The following PCNX2 variants were observed in gnomAD, a reference collection of about 807,000 sequenced individuals.
PCNX2 encodes pecanex-like protein 2.
A neutral mutation model predicts 223.8 loss-of-function variants in PCNX2; 168 were observed. The observed-to-expected ratio is 0.75, with a 90% CI of 0.66 to 0.85. The LOEUF (loss-of-function observed/expected upper bound fraction) is 0.85, where lower values mean the gene tolerates loss of function less well. Ranked by LOEUF, PCNX2 falls within the 40% of genes least tolerant of loss-of-function variation. The probability of loss-of-function intolerance (pLI) is 0.00; values close to 1 mark genes in which losing one functional copy is unlikely to be tolerated. For synonymous variants in PCNX2, 1,006 were observed against 1,052.6 expected, an observed-to-expected ratio of 0.96 and a Z score of 0.86; for missense variants, 2,507 against 2,675.5, an observed-to-expected ratio of 0.94 and a Z score of 1.39.
chr1:233,014,055 G>C (rs1670565355), intron 28 of PCNX2, among the ~76,000 whole-genome samples: 1 of 152,202 alleles, frequency 6.6e-6, no homozygotes, highest in African/African-American at 2.4e-5. Context: ...CATGAGTACT[G>C]TTTCTTTGGT....
chr1:233,003,858 T>C (rs909520815), intron 28 of PCNX2, among the ~76,000 whole-genome samples: 2 of 152,158 alleles, frequency 1.3e-5, no homozygotes, highest in Non-Finnish European at 2.9e-5. Flanking sequence ...TGCAGGGACA[T>C]GGATGAAGCT....
rs114790189 is a variant in PCNX2, at chr1:233,047,561, A to G, written c.4351+6707T>C. The G allele has an allele frequency of 2.6e-3, 525 of 200,134 alleles. 6 individuals carry two copies. The highest frequency in any genetic ancestry group is 0.012 in the African/African-American group (499 of 42,384). The allele number at this position is 200,134 out of a possible 1,614,324, so 12.4% of individuals were successfully genotyped here. ...AAAAGGAGCAGGGGTCACTGTTCTT[A>G]TATCAGATAAAACAGACTTTAAACC... On this transcript the variant is annotated intron_variant, in intron 25 of 33. Transcript: ENST00000258229.
intron 21 of PCNX2, among the ~76,000 whole-genome samples, chr1:233,129,472 A>G (rs1676320536): frequency 6.6e-6 from 1 of 152,192 alleles, no homozygotes; most frequent in Admixed American, 6.5e-5. Context: ...ACCAGGTGTC[A>G]TCAACCAATC....
Position 233,139,815 on chromosome 1 carries a change from C to T in PCNX2, c.3558G>A (p.Trp1186Ter), listed in dbSNP as rs1387130993. 15 of 1,613,400 alleles carry T rather than the reference C, an allele frequency of 9.3e-6. No homozygotes were observed. Among genetic ancestry groups the T allele is most frequent in the Non-Finnish European group, 1.3e-5 (15 of 1,179,724 alleles). ...HLMWFERLYV[W>*]LQCFEKYILY... Reference sequence around the variant, plus strand: ...AGATGTATTTTTCAAAACACTGAAGCCAAACATAGAGTCTTTCGAACCACA... The same window carrying T: ...AGATGTATTTTTCAAAACACTGAAGTCAAACATAGAGTCTTTCGAACCACA... Residue 1186 changes from tryptophan (W) to a stop codon, truncating the protein, a stop_gained, in exon 20 of 34, where the codon TGG becomes TGA. Coordinates refer to ENST00000258229, the MANE Select transcript of PCNX2 (RefSeq NM_014801.4). LOFTEE classifies it high-confidence loss of function. This position sits in a 1 kb window ranked among gnomAD's most constrained non-coding sequence, Gnocchi z 4.4.
chr1:233,139,702 T>C lies in PCNX2; in HGVS notation c.3659+12A>G. 6.3e-7 allele frequency: 1 copy of C among 1,586,438 alleles called. No homozygotes were observed. Among genetic ancestry groups the C allele is most frequent in the Non-Finnish European group, 8.6e-7 (1 of 1,165,424 alleles). On this transcript the variant is annotated intron_variant, in intron 20 of 33. Coordinates refer to ENST00000258229, the MANE Select transcript of PCNX2 (RefSeq NM_014801.4). This position sits in a 1 kb window ranked among gnomAD's most constrained non-coding sequence, Gnocchi z 4.4. ...CCCAAATCATTATGAAGATAAACCA[T>C]TAACCACTTACTGGGTACCAAGTCT...
At chr1:233,248,337 T>C (rs1659250825) in intron 8 of PCNX2, among the ~76,000 whole-genome samples, 1 of 152,024 alleles carries the variant, frequency 6.6e-6, no homozygotes, top group Non-Finnish European at 1.5e-5. Flanking sequence ...GGCCAAGTGC[T>C]TGCCTGGTCT....
intron 15 of PCNX2, among the ~76,000 whole-genome samples, chr1:233,189,986 A>G (rs1301812795): frequency 6.6e-6 from 1 of 152,174 alleles, no homozygotes; most frequent in African/African-American, 2.4e-5. Context: ...AGAGAATATG[A>G]AATTAAAAGA....
At chr1:233,083,632 CA>C (rs1187632205) in intron 23 of PCNX2, among the ~76,000 whole-genome samples, 6 of 152,294 alleles carry the variant, frequency 3.9e-5, no homozygotes, top group Non-Finnish European at 7.4e-5. Flanking sequence ...AGACTAGTTA[CA>C]ATATTTTTAT....
chr1:233,039,490 C>A (rs115348417), intron 25 of PCNX2, among the ~76,000 whole-genome samples: 143 of 152,272 alleles, frequency 9.4e-4, no homozygotes, highest in Non-Finnish European at 1.8e-3. Context: ...AATATGGTAC[C>A]TGGCATGTAA....
In PCNX2 at chr1:233,259,264, A is replaced by G. The variant is rs990809627; in HGVS notation, c.598T>C (p.Ser200Pro). 2.5e-6 allele frequency: 4 copies of G among 1,613,802 alleles called. No individual in the cohort carries two copies. Among genetic ancestry groups the G allele is most frequent in the African/African-American group, 2.7e-5 (2 of 74,882 alleles). The change falls in exon 5 of 34, where the codon TCT becomes CCT. Residue 200 changes from serine to proline, a missense_variant. Physicochemically the swap from Ser to Pro is moderately conservative, Grantham distance 74. Coordinates refer to ENST00000258229, the MANE Select transcript of PCNX2 (RefSeq NM_014801.4). ...GTGGTTTCCAGCATGTGTGCTTGAG[A>G]CGCAGGTAAGCTTTCCACTTTGATA... ...PGIKVESLPA[S>P]QAHMLETTTK... is the part of the protein sequence containing the mutation.
In PCNX2 at chr1:233,263,071, G is replaced by T; in HGVS notation, c.246C>A (p.His82Gln). 1 of 1,613,594 alleles carries T rather than the reference G, an allele frequency of 6.2e-7. No homozygotes were observed. ...TIIKLVSYRLHLMFDKGEVIQ... is the reference protein window; with the variant it reads ...TIIKLVSYRLQLMFDKGEVIQ... The stretch of plus-strand genomic sequence containing the variant: ...TTACTTCTCCTTTGTCAAACATGAG[G>T]TGTAGGCGATAACTGACCAGTTTGA... The change falls in exon 2 of 34, where the codon CAC (histidine) becomes CAA (glutamine). Residue 82 changes from histidine to glutamine, a missense_variant. This residue lies in a region of PCNX2 where 1,031 missense variants were observed against 1,021.7 expected (regional missense o/e 1.01). Coordinates refer to ENST00000258229, the MANE Select transcript of PCNX2 (RefSeq NM_014801.4).
At chr1:233,129,192 G>C (rs1216823877) in intron 21 of PCNX2, among the ~76,000 whole-genome samples, 1 of 152,232 alleles carries the variant, frequency 6.6e-6, no homozygotes, top group African/African-American at 2.4e-5. Context: ...GGATGGGCGT[G>C]GGCTTGGCGG....
chr1:233,294,921 A>G lies in PCNX2; in HGVS notation c.153+405T>C, dbSNP rs1039066581. ...GAAAAAGGGGACAATAACTGAAATG[A>G]GTCTGCTTTTTACATTTCGTTTTTC... is the stretch of plus-strand genomic sequence containing the variant. On this transcript the variant is annotated intron_variant, in intron 1 of 33. Transcript: ENST00000258229. Among the ~76,000 whole-genome samples the G allele has an allele frequency of 7.2e-5, 11 of 152,132 alleles. No individual in the cohort carries two copies. The South Asian group carries it at 2.3e-3, about 32-fold the overall frequency.
At chr1:233,134,975 T>TA (rs759887827) in intron 21 of PCNX2, 38 bp downstream of exon 21, 2 of 1,516,570 alleles carry the variant, frequency 1.3e-6, no homozygotes, top group Non-Finnish European at 1.8e-6. Context: ...CAGCCCCCTT[T>TA]AAAATGTTAA....
chr1:233,273,161 T>TA (rs1390705293), intron 1 of PCNX2, among the ~76,000 whole-genome samples: 2 of 150,246 alleles, frequency 1.3e-5, no homozygotes, highest in Non-Finnish European at 3.0e-5. Context: ...AAAAAATCAT[T>TA]AAAAAAACTA....
chr1:233,236,737 T>C (rs183797229), intron 9 of PCNX2, 108 bp downstream of exon 9: 314 of 1,481,558 alleles, frequency 2.1e-4, no homozygotes, highest in Non-Finnish European at 2.7e-4. Flanking sequence ...TGATGCAAAA[T>C]TCAGGGAAAG....
chr1:233,014,618 A>C (rs1395375675), intron 28 of PCNX2, 47 bp downstream of exon 28: 1 of 1,427,484 alleles, frequency 7.0e-7, no homozygotes, highest in Non-Finnish European at 9.8e-7. Flanking sequence ...AAACATGTGA[A>C]AGTGGGTGCC....
intron 23 of PCNX2, among the ~76,000 whole-genome samples, chr1:233,089,482 G>A (rs895484725): frequency 2.0e-5 from 3 of 152,164 alleles, no homozygotes; most frequent in African/African-American, 7.2e-5. Context: ...TCACCTTCCC[G>A]TAAGAATAAC....
intron 19 of PCNX2, among the ~76,000 whole-genome samples, chr1:233,146,889 A>G (rs1250538520): frequency 6.6e-6 from 1 of 152,216 alleles, no homozygotes; most frequent in Non-Finnish European, 1.5e-5. Context: ...GTGGAGGGAC[A>G]TAATCCCATT....
Sources: gnomAD v4.1 joint callset for allele counts (sites outside exome capture counted in the v4.1 genomes callset) on GRCh38, gnomAD v4.1.1 for gene constraint, gnomAD v4.1.1 regional missense constraint, Gnocchi (gnomAD v3.1) non-coding constraint, MANE v1.5 for transcripts, NCBI Gene and HGNC (gene_info 2026-07-23, HGNC 2026-07-21) for gene names.